Variants in ATRNL1 observed in about 807,000 individuals in gnomAD.
ATRNL1 encodes attractin like 1, also known as attractin-like protein 1.
In ATRNL1, 95 loss-of-function variants were observed where a neutral mutation model predicts 182.7. That is an observed-to-expected ratio of 0.52 (90% CI 0.44 to 0.62). ATRNL1 has a LOEUF of 0.62. Ranked by LOEUF, ATRNL1 falls within the 20% of genes least tolerant of loss-of-function variation. The pLI is 0.00. For missense variants in ATRNL1, 1,471 were observed against 1,679.5 expected (o/e 0.88, Z 2.17); for synonymous variants, 576 against 568.3 (o/e 1.01, Z -0.19).
intron 17 of ATRNL1, among the ~76,000 whole-genome samples, chr10:115,303,668 A>G (rs1853595039): frequency 6.6e-6 from 1 of 152,210 alleles, no homozygotes; most frequent in African/African-American, 2.4e-5. Context: ...AGTGTCCAGG[A>G]AGCTCACAAA....
At chr10:115,141,619 AT>A (rs1444814635) in intron 5 of ATRNL1, among the ~76,000 whole-genome samples, 1 of 152,148 alleles carries the variant, frequency 6.6e-6, no homozygotes, top group African/African-American at 2.4e-5. Flanking sequence ...ATATGGACAT[AT>A]TTAGTTATTT....
chr10:115,131,221 T>C (rs1459305536), intron 5 of ATRNL1, among the ~76,000 whole-genome samples: 3 of 152,244 alleles, frequency 2.0e-5, no homozygotes, highest in African/African-American at 7.2e-5. Context: ...CTTGTCTGTG[T>C]GTGTGTATGT....
chr10:115,626,007 A>T (rs12269184), intron 26 of ATRNL1, among the ~76,000 whole-genome samples: 1,665 of 152,172 alleles, frequency 0.011, 29 homozygotes, highest in African/African-American at 0.038. Flanking sequence ...TGCAGAGTAA[A>T]TATTTTACTA....
chr10:115,883,563 C>G (rs554776937), intron 28 of ATRNL1, among the ~76,000 whole-genome samples: 1 of 152,380 alleles, frequency 6.6e-6, no homozygotes, highest in East Asian at 1.9e-4. Context: ...GAATAAACTA[C>G]TGCTACATGC....
intron 5 of ATRNL1, among the ~76,000 whole-genome samples, chr10:115,133,250 G>A (rs1845342969): frequency 1.3e-5 from 2 of 151,994 alleles, no homozygotes; most frequent in African/African-American, 2.4e-5. Flanking sequence ...GTAGATGTGT[G>A]GTATTATTTC....
At chr10:115,424,168 TAAG>T (rs563415031) in intron 20 of ATRNL1, among the ~76,000 whole-genome samples, 61 of 152,166 alleles carry the variant, frequency 4.0e-4, no homozygotes, top group Middle Eastern at 3.4e-3. Context: ...CTCACTGATA[TAAG>T]AAGAAGAAAC....
rs571789147 is a variant in ATRNL1, at chr10:115,713,495, G to A, written c.3796-13753G>A. On this transcript the variant is annotated intron_variant, in intron 26 of 28. Transcript: ENST00000355044. ...TGTGTGTGTCTGTGTGAAGATGATT[G>A]ACATTTTAATTGAGGTGGTCAGGGA... Among the ~76,000 whole-genome samples, 8 of 118,004 alleles carry A rather than the reference G, an allele frequency of 6.8e-5. No homozygotes were observed. In the East Asian group the frequency reaches 2.3e-3, roughly 34 times the overall value. The allele number at this position is 118,004 out of a possible 152,430, so 77.4% of individuals were successfully genotyped here. A position where few individuals can be genotyped will look rare whatever the true frequency, so the allele number is the denominator to read the frequency against.
At chr10:115,466,266 G>A (rs1053020958) in intron 22 of ATRNL1, among the ~76,000 whole-genome samples, 7 of 151,256 alleles carry the variant, frequency 4.6e-5, no homozygotes, top group Admixed American at 6.6e-5. Context: ...ATAGTAAAAC[G>A]AAGGAATTAA....
intron 28 of ATRNL1, among the ~76,000 whole-genome samples, chr10:115,906,785 A>T (rs17093765): frequency 6.6e-6 from 1 of 152,096 alleles, no homozygotes; most frequent in African/African-American, 2.4e-5. Flanking sequence ...AGTGAAGGCC[A>T]TATAATTGAA....
At chr10:115,724,928 A>G (rs1555059419) in intron 26 of ATRNL1, among the ~76,000 whole-genome samples, 2 of 152,170 alleles carry the variant, frequency 1.3e-5, no homozygotes, top group African/African-American at 4.8e-5. Context: ...ATTTCACAGT[A>G]AGAACATTTG....
At chr10:115,602,853 CA>C (rs34414579) in intron 26 of ATRNL1, among the ~76,000 whole-genome samples, 35 of 126,646 alleles carry the variant, frequency 2.8e-4, no homozygotes, top group South Asian at 5.3e-4. Context: ...GACTCCGTCT[CA>C]AAAAAAAAAA....
At chr10:115,161,777 GTTTTCACAGGT>G (rs1846796918) in intron 6 of ATRNL1, among the ~76,000 whole-genome samples, 1 of 152,002 alleles carries the variant, frequency 6.6e-6, no homozygotes, top group Admixed American at 6.6e-5. Context: ...TTGTGTTGCT[GTTTTCACAGGT>G]TAGAGAATAC....
At chr10:115,381,224 G>C (rs1554950975) in intron 19 of ATRNL1, among the ~76,000 whole-genome samples, 1 of 151,724 alleles carries the variant, frequency 6.6e-6, no homozygotes, top group African/African-American at 2.4e-5. Context: ...TATTTTTCTG[G>C]ACTTTTTTTA....
intron 27 of ATRNL1, among the ~76,000 whole-genome samples, chr10:115,840,727 A>T (rs1200829582): frequency 6.6e-6 from 1 of 152,120 alleles, no homozygotes; most frequent in Non-Finnish European, 1.5e-5. Flanking sequence ...AGTAGAGCAA[A>T]GAGGTCCTGG....
chr10:115,553,411 T>A (rs1185650395), intron 26 of ATRNL1, among the ~76,000 whole-genome samples: 1 of 151,384 alleles, frequency 6.6e-6, no homozygotes. Context: ...CTTGTAAATT[T>A]ACAGTTTTTT....
chr10:115,947,603 A>G lies in ATRNL1; in HGVS notation c.*2824A>G, dbSNP rs76478233. The G allele has an allele frequency of 1.3e-3, 199 of 152,752 alleles. No individual in the cohort carries two copies. The highest frequency in any genetic ancestry group is 4.6e-3 in the African/African-American group (191 of 41,582). 9.5% of individuals were successfully genotyped at this position (152,752 alleles called of 1,614,324 possible). ...AAATTTGTTTTAGTGATACACAGAG[A>G]TGCCGTATACTATAGTGTTATGTTC... On this transcript the variant is annotated 3_prime_UTR_variant, in exon 29 of 29. Transcript: ENST00000355044.
At chr10:115,628,191 T>C (rs1479937408) in intron 26 of ATRNL1, among the ~76,000 whole-genome samples, 3 of 151,794 alleles carry the variant, frequency 2.0e-5, no homozygotes, top group African/African-American at 7.3e-5. Flanking sequence ...AACCATTTTA[T>C]AGTATTTCCA....
At chr10:115,246,686 G>T (rs1178590480) in intron 10 of ATRNL1, among the ~76,000 whole-genome samples, 1 of 118,352 alleles carries the variant, frequency 8.4e-6, no homozygotes, top group African/African-American at 3.6e-5. Context: ...TCAGCCTCCC[G>T]AGTAGCTGGG....
chr10:115,376,512 C>G (rs533237779), intron 19 of ATRNL1, among the ~76,000 whole-genome samples: 31 of 152,036 alleles, frequency 2.0e-4, no homozygotes, highest in Non-Finnish European at 3.8e-4. Flanking sequence ...ATGCATGCTA[C>G]CACATCCAGT....
Sources: allele counts gnomAD v4.1 joint callset (sites outside exome capture counted in the v4.1 genomes callset), GRCh38; gene constraint gnomAD v4.1.1; transcripts MANE v1.5; gene names NCBI Gene and HGNC (gene_info 2026-07-23, HGNC 2026-07-21).